The following GUK1 variants were observed in gnomAD, a reference collection of about 807,000 sequenced individuals.
GUK1 encodes the protein guanylate kinase 1.
In GUK1, 18 loss-of-function variants were observed where a neutral mutation model predicts 25.2. The ratio of observed to expected loss-of-function variants is 0.71; its 90% CI spans 0.49 to 1.06. GUK1 has a LOEUF of 1.06. Among genes scored for constraint, GUK1 ranks in the 50% least tolerant of loss-of-function variants. GUK1 has a pLI of 0.00. For missense variants in GUK1, 261 were observed against 276.7 expected, an observed-to-expected ratio of 0.94 and a Z score of 0.40; for synonymous variants, 105 against 117.6, an observed-to-expected ratio of 0.89 and a Z score of 0.69.
chr1:228,148,362 C>T lies in GUK1; in HGVS notation c.476-9C>T. 2 of 1,555,288 alleles carry T rather than the reference C, an allele frequency of 1.3e-6. No homozygotes were observed. The highest frequency in any genetic ancestry group is 1.7e-6 in the Non-Finnish European group (2 of 1,143,124). On this transcript the variant is annotated splice_polypyrimidine_tract_variant and intron_variant, in intron 7 of 8. Transcript: ENST00000312726. ...CTCACTGTGCCCTGACCCCAGGCCC[C>T]ACCCACAGGCAAGGAGCCCGGCCTG...
At chr1:228,142,590 C>T (rs902067592) in intron 2 of GUK1, among the ~76,000 whole-genome samples, 2 of 152,084 alleles carry the variant, frequency 1.3e-5, no homozygotes, top group South Asian at 2.1e-4. Flanking sequence ...GGCCCACCAG[C>T]GTCTGCTGTC....
At chr1:228,141,791 TC>T in intron 2 of GUK1, 1 of 1,261,944 alleles carries the variant, frequency 7.9e-7, no homozygotes, top group South Asian at 1.3e-5. Flanking sequence ...CAGGAGACCT[TC>T]CATCTCGGAG....
rs2034443521 is a variant in GUK1 at position 228,147,415 on chromosome 1, G to GGTGCAGGCC, written c.271_279dup (p.Val91_Ala93dup). The GGTGCAGGCC allele has an allele frequency of 6.2e-7, 1 of 1,610,816 alleles. No individual in the cohort carries two copies. Among genetic ancestry groups the GGTGCAGGCC allele is most frequent in the Non-Finnish European group, 8.5e-7 (1 of 1,179,206 alleles). On this transcript the variant is annotated inframe_insertion, in exon 6 of 9. Coordinates refer to ENST00000312726, the MANE Select transcript of GUK1 (RefSeq NM_000858.7). ...TGGCACCTCTCCCCAGCAAGGTGGC[G>GGTGCAGGCC]GTGCAGGCCGTGCAGGCCATGAACC...
At chr1:228,140,543 G>T (rs2033986504) in intron 1 of GUK1, among the ~76,000 whole-genome samples, 180 bp downstream of exon 1, 1 of 152,232 alleles carries the variant, frequency 6.6e-6, no homozygotes, top group Non-Finnish European at 1.5e-5. Context: ...GGCTGGCAAC[G>T]CAGCGGAGCC....
At chr1:228,145,212 C>G in intron 2 of GUK1, 1 of 219,262 alleles carries the variant, frequency 4.6e-6, no homozygotes, top group Non-Finnish European at 9.0e-6. Context: ...CCTGGGGAGG[C>G]TGACAGGGTC....
chr1:228,145,628 AGTCCAGGGCTCTC>A lies in GUK1; in HGVS notation c.112+7_112+19del. ...ATCTTTGGCTTCAGCGTGTCCCGTG[AGTCCAGGGCTCTC>A]GTGGAGGGGTGCGTAGACCTCAAGG... On this transcript the variant is annotated splice_donor_5th_base_variant and intron_variant, in intron 3 of 8. Transcript: ENST00000312726. 6.2e-7 allele frequency: 1 copy of A among 1,612,226 alleles called. No individual in the cohort carries two copies. The highest frequency in any genetic ancestry group is 8.5e-7 in the Non-Finnish European group (1 of 1,179,454).
downstream of GUK1, chr1:228,148,955 A>C: frequency 1.1e-6 from 1 of 948,194 alleles, no homozygotes; most frequent in Non-Finnish European, 1.5e-6. Context: ...AACTCCATAA[A>C]TGAGTGGAAT....
In GUK1 at chr1:228,148,832, G is replaced by A; in HGVS notation, c.*135G>A. The A allele has an allele frequency of 1.3e-6, 2 of 1,556,302 alleles. No individual in the cohort carries two copies. The highest frequency in any genetic ancestry group is 1.2e-5 in the South Asian group (1 of 85,732). On this transcript the variant is annotated 3_prime_UTR_variant, in exon 9 of 9. Coordinates refer to ENST00000312726, the MANE Select transcript of GUK1 (RefSeq NM_000858.7). ...GGAGTGGAGGAGATGCTGCCCCTGT[G>A]GTTGGAACATCCTGGGGTGACCCCC...
At chr1:228,142,950 C>T (rs1435812529) in intron 2 of GUK1, among the ~76,000 whole-genome samples, 14 of 151,982 alleles carry the variant, frequency 9.2e-5, no homozygotes, top group African/African-American at 3.4e-4. Flanking sequence ...CTGTGCTGGG[C>T]GAGTGTAGGC....
In GUK1 at chr1:228,140,322, CCG is replaced by C. The variant is rs2033969727; in HGVS notation, c.-208_-207del. On this transcript the variant is annotated 5_prime_UTR_variant, in exon 1 of 9. Transcript: ENST00000312726. ...CCCCGGATGCTGCGGCGCCCGCTGG[CCG>C]GGCTGGCTGCGGCCGCCCTGGGCCG... The C allele has an allele frequency of 6.5e-7, 1 of 1,529,102 alleles. No homozygotes were observed. 94.7% of individuals were successfully genotyped at this position (1,529,102 alleles called of 1,614,324 possible). A position where few individuals can be genotyped will look rare whatever the true frequency, so the allele number is the denominator to read the frequency against.
chr1:228,141,594 T>A, intron 2 of GUK1: 1 of 1,056,068 alleles, frequency 9.5e-7, no homozygotes, highest in Non-Finnish European at 1.2e-6. Flanking sequence ...CCTCGAACAG[T>A]GGGCCGGGGG....
chr1:228,148,501 C>A, intron 8 of GUK1, 45 bp downstream of exon 7: 1 of 1,486,648 alleles, frequency 6.7e-7, no homozygotes, highest in Non-Finnish European at 9.1e-7. Flanking sequence ...CAAGGGGAGG[C>A]CTGGGGGCCA....
chr1:228,141,767 G>A, intron 2 of GUK1: 1 of 1,295,412 alleles, frequency 7.7e-7, no homozygotes, highest in Non-Finnish European at 1.0e-6. Flanking sequence ...ACATGGATCT[G>A]CGCCGGCGGC....
intron 2 of GUK1, among the ~76,000 whole-genome samples, chr1:228,143,150 T>A (rs1177026034): frequency 6.6e-6 from 1 of 152,042 alleles, no homozygotes; most frequent in East Asian, 1.9e-4. Context: ...GGGTTTATAG[T>A]CACGTAGCAT....
intron 2 of GUK1, chr1:228,141,349 C>T (rs1410416638): frequency 1.3e-6 from 1 of 747,312 alleles, no homozygotes; most frequent in Non-Finnish European, 1.6e-6. Flanking sequence ...GCCCTGGCTG[C>T]TCCTGGTGTG....
At chr1:228,143,005 C>T (rs1409317096) in intron 2 of GUK1, among the ~76,000 whole-genome samples, 3 of 152,178 alleles carry the variant, frequency 2.0e-5, no homozygotes, top group African/African-American at 7.2e-5. Context: ...AGCCTGGACC[C>T]CTGCCTGGCA....
chr1:228,142,227 A>C (rs937249127), intron 2 of GUK1, among the ~76,000 whole-genome samples: 2 of 152,268 alleles, frequency 1.3e-5, no homozygotes, highest in South Asian at 4.1e-4. Flanking sequence ...CAGGGCCCCC[A>C]GTAGTCTGCT....
Position 228,141,187 on chromosome 1 carries a change from C to T in GUK1, c.-104C>T. On this transcript the variant is annotated 5_prime_UTR_variant, in exon 2 of 9. Transcript: ENST00000312726. Reference sequence around the variant, plus strand: ...CCTGTGCAAGACTCGGCCGGTTTTTCTTTCTCCCTGATGGACAGACCCAAA... The same window carrying T: ...CCTGTGCAAGACTCGGCCGGTTTTTTTTTCTCCCTGATGGACAGACCCAAA... The T allele has an allele frequency of 1.0e-6, 1 of 985,020 alleles. No individual in the cohort carries two copies. The highest frequency in any genetic ancestry group is 1.2e-6 in the Non-Finnish European group (1 of 829,630). 61.0% of individuals were successfully genotyped at this position (985,020 alleles called of 1,614,324 possible).
At chr1:228,143,597 C>T (rs941735613) in intron 2 of GUK1, among the ~76,000 whole-genome samples, 1 of 152,146 alleles carries the variant, frequency 6.6e-6, no homozygotes, top group African/African-American at 2.4e-5. Context: ...CTCTGGGGGG[C>T]TCCTAGCTAG....
Sources: gnomAD v4.1 joint callset for allele counts (sites outside exome capture counted in the v4.1 genomes callset) on GRCh38, gnomAD v4.1.1 for gene constraint, MANE v1.5 for transcripts, NCBI Gene and HGNC (gene_info 2026-07-23, HGNC 2026-07-21) for gene names.